Variants in ADGRV1 observed in about 807,000 individuals in gnomAD.
The protein encoded by ADGRV1 is G-protein coupled receptor 98.
Under a neutral mutation model 596.2 loss-of-function variants are expected in ADGRV1, and 359 were observed. The ratio of observed to expected loss-of-function variants is 0.60; its 90% CI spans 0.55 to 0.66. ADGRV1 has a LOEUF of 0.66. Ranked by LOEUF, ADGRV1 falls within the 30% of genes least tolerant of loss-of-function variation. The pLI, the probability that ADGRV1 is intolerant of heterozygous loss-of-function variation, is 0.00. For missense variants in ADGRV1, 7,274 were observed against 7,575.6 expected, an observed-to-expected ratio of 0.96 and a Z score of 1.48; for synonymous variants, 2,681 against 2,679.2, an observed-to-expected ratio of 1.00 and a Z score of -0.02.
At chr5:90,912,634 G>A (rs1772992091) in intron 83 of ADGRV1, among the ~76,000 whole-genome samples, 1 of 152,058 alleles carries the variant, frequency 6.6e-6, no homozygotes, top group Non-Finnish European at 1.5e-5. Context: ...TGGTATAAGT[G>A]ATATTGGTTC....
At chr5:91,052,891 A>G (rs1786481597) in intron 85 of ADGRV1, among the ~76,000 whole-genome samples, 2 of 152,090 alleles carry the variant, frequency 1.3e-5, no homozygotes, top group Admixed American at 1.3e-4. Flanking sequence ...CCCCCCAGAA[A>G]CATGCTTCTA....
Position 90,651,697 on chromosome 5 carries a change from A to G in ADGRV1, c.3383A>G (p.Lys1128Arg). Residue 1128 changes from lysine to arginine, a missense_variant, in exon 18 of 90, where the codon AAA becomes AGA. Lys to Arg is a conservative substitution (Grantham distance 26). Coordinates refer to ENST00000405460, the MANE Select transcript of ADGRV1 (RefSeq NM_032119.4). ...ATTTTTTCTCTGGAGCCCATAGACA[A>G]AGCAGTGGAAGAAGGAAAGACTAAT... ...NGIFSLEPID[K>R]AVEEGKTNAF... is the part of the protein sequence containing the mutation. 1 of 1,612,730 alleles carries G rather than the reference A, an allele frequency of 6.2e-7. No individual in the cohort carries two copies. The highest frequency in any genetic ancestry group is 8.5e-7 in the Non-Finnish European group (1 of 1,179,100).
intron 1 of ADGRV1, among the ~76,000 whole-genome samples, chr5:90,603,997 C>T (rs1231434295): frequency 6.6e-6 from 1 of 150,962 alleles, no homozygotes; most frequent in Non-Finnish European, 1.5e-5. Context: ...TTCTTACTTT[C>T]CTCTTTGACC....
intron 1 of ADGRV1, among the ~76,000 whole-genome samples, chr5:90,583,897 T>C (rs1054038826): frequency 2.0e-5 from 3 of 152,156 alleles, no homozygotes; most frequent in African/African-American, 4.8e-5. Context: ...GCTATAGATA[T>C]AGTGATTTTG....
At chr5:90,926,230 T>C (rs1389818641) in intron 83 of ADGRV1, among the ~76,000 whole-genome samples, 1 of 152,170 alleles carries the variant, frequency 6.6e-6, no homozygotes, top group Non-Finnish European at 1.5e-5. Context: ...CTTGTACCTC[T>C]GGTAGAATTC....
intron 89 of ADGRV1, among the ~76,000 whole-genome samples, chr5:91,158,779 A>G (rs1476143830): frequency 1.3e-5 from 2 of 152,126 alleles, no homozygotes; most frequent in Non-Finnish European, 2.9e-5. Flanking sequence ...GATTCATCTC[A>G]GTATCCCTGG....
At chr5:90,960,146 A>AAAAC in intron 83 of ADGRV1, among the ~76,000 whole-genome samples, 1 of 146,230 alleles carries the variant, frequency 6.8e-6, no homozygotes, top group African/African-American at 2.7e-5. Context: ...TCAAAAAAAA[A>AAAAC]AAAAAAACAA....
intron 85 of ADGRV1, among the ~76,000 whole-genome samples, chr5:90,987,526 G>T (rs535815821): frequency 2.5e-4 from 38 of 151,118 alleles, no homozygotes; most frequent in African/African-American, 8.0e-4. Context: ...TGCATTACAG[G>T]TTACTTTTCT....
intron 25 of ADGRV1, among the ~76,000 whole-genome samples, chr5:90,678,098 C>T (rs1744475206): frequency 6.6e-6 from 1 of 152,102 alleles, no homozygotes; most frequent in African/African-American, 2.4e-5. Flanking sequence ...GCTGCAAATC[C>T]ATTTTGCCTT....
At chr5:90,689,368 C>T (rs1353809853) in intron 29 of ADGRV1, among the ~76,000 whole-genome samples, 1 of 134,722 alleles carries the variant, frequency 7.4e-6, no homozygotes, top group East Asian at 2.3e-4. Context: ...CTCCTGCCAT[C>T]CTGAGCAGTA....
chr5:90,855,890 T>C lies in ADGRV1; in HGVS notation c.17744T>C (p.Ile5915Thr). 2 of 1,611,908 alleles carry C rather than the reference T, an allele frequency of 1.2e-6. No individual in the cohort carries two copies. The highest frequency in any genetic ancestry group is 8.5e-7 in the Non-Finnish European group (1 of 1,178,194). Residue 5915 changes from isoleucine to threonine, a missense_variant, in exon 82 of 90, where the codon ATA becomes ACA. This residue lies in a region of ADGRV1 where 1,874 missense variants were observed against 1,970.2 expected (regional missense o/e 0.95). Coordinates refer to ENST00000405460, the MANE Select transcript of ADGRV1 (RefSeq NM_032119.4). ...GAAGCCTTCTTCACTTCTGGATTTA[T>C]ATGTATCTCAGGTCAGTGACAGTAT... is the stretch of plus-strand genomic sequence containing the variant. ...YNEAFFTSGF[I>T]CISGLCLAVL...
At chr5:90,640,274 A>G (rs960880749) in intron 11 of ADGRV1, among the ~76,000 whole-genome samples, 29 of 152,196 alleles carry the variant, frequency 1.9e-4, no homozygotes, top group African/African-American at 6.5e-4. Context: ...AGTTGTATTT[A>G]AGTAATTTTT....
chr5:90,611,916 G>A (rs902680277), intron 1 of ADGRV1, among the ~76,000 whole-genome samples: 1 of 151,934 alleles, frequency 6.6e-6, no homozygotes, highest in African/African-American at 2.4e-5. Context: ...CTTCTAATGG[G>A]AACTTCATTT....
chr5:90,902,469 T>G (rs569307311), intron 83 of ADGRV1, among the ~76,000 whole-genome samples: 1 of 152,294 alleles, frequency 6.6e-6, no homozygotes, highest in East Asian at 1.9e-4. Context: ...TGTTGCCTCC[T>G]TGCTGTGGTG....
chr5:90,716,872 A>G (rs1353965423), intron 43 of ADGRV1, 143 bp downstream of exon 43: 7 of 621,716 alleles, frequency 1.1e-5, no homozygotes, highest in African/African-American at 3.7e-5. Context: ...TTCATTTACT[A>G]TGTGACAAGT....
intron 50 of ADGRV1, among the ~76,000 whole-genome samples, chr5:90,736,505 C>T (rs1345752597): frequency 6.6e-6 from 1 of 151,850 alleles, no homozygotes; most frequent in Non-Finnish European, 1.5e-5. Flanking sequence ...TGGAATTATC[C>T]TCTGTTCTTC....
At chr5:91,064,706 A>C (rs1338168131) in intron 85 of ADGRV1, among the ~76,000 whole-genome samples, 1 of 152,226 alleles carries the variant, frequency 6.6e-6, no homozygotes, top group East Asian at 1.9e-4. Context: ...TGTATGCTCT[A>C]CAACAGAAAG....
intron 59 of ADGRV1, among the ~76,000 whole-genome samples, chr5:90,767,048 G>T (rs1408912662): frequency 6.6e-6 from 1 of 152,272 alleles, no homozygotes; most frequent in East Asian, 1.9e-4. Context: ...TGGAAGGGAG[G>T]ATGGGGAGGT....
chr5:90,683,598 C>T lies in ADGRV1; in HGVS notation c.5677C>T (p.His1893Tyr), dbSNP rs1745223931. 1.9e-6 allele frequency: 3 copies of T among 1,598,756 alleles called. No individual in the cohort carries two copies. The highest frequency in any genetic ancestry group is 1.3e-5 in the African/African-American group (1 of 74,622). The change falls in exon 28 of 90, where the codon CAT becomes TAT. Residue 1893 changes from histidine (H) to tyrosine (Y), a missense_variant. Coordinates refer to ENST00000405460, the MANE Select transcript of ADGRV1 (RefSeq NM_032119.4). ...STVTLNVIRH[H>Y]GTLSPVTLHW... ...AAGTATTTTGTAGGTTATAAGACATCATGGAACTCTGTCTCCAGTGACTTT... is the reference window on the plus strand; with the variant it reads ...AAGTATTTTGTAGGTTATAAGACATTATGGAACTCTGTCTCCAGTGACTTT...
Sources: allele counts gnomAD v4.1 joint callset (sites outside exome capture counted in the v4.1 genomes callset), GRCh38; gene constraint gnomAD v4.1.1; regional missense constraint gnomAD v4.1.1; transcripts MANE v1.5; gene names NCBI Gene and HGNC (gene_info 2026-07-23, HGNC 2026-07-21).